TENM2: variants seen among roughly 807,000 people sequenced by gnomAD.
The protein encoded by TENM2 is teneurin-2.
In TENM2, 52 loss-of-function variants were observed where a neutral mutation model predicts 245.2. The observed-to-expected ratio is 0.21, with a 90% CI of 0.17 to 0.27. The LOEUF (loss-of-function observed/expected upper bound fraction) is 0.27. Among genes scored for constraint, TENM2 ranks in the 10% least tolerant of loss-of-function variants. The pLI is 1.00. For synonymous variants in TENM2, 1,363 were observed against 1,438.9 expected (o/e 0.95, Z 1.19); for missense variants, 3,046 against 3,666.8 (o/e 0.83, Z 4.37).
chr5:167,884,963 T>C (rs1383704729), intron 3 of TENM2, among the ~76,000 whole-genome samples: 1 of 152,220 alleles, frequency 6.6e-6, no homozygotes, highest in African/African-American at 2.4e-5. Flanking sequence ...TGGTGTGAAA[T>C]GGTATTTCTT....
Position 168,115,443 on chromosome 5 carries a change from A to T in TENM2, c.1814-2849A>T, listed in dbSNP as rs576974842. Among the ~76,000 whole-genome samples, 58 of 150,580 alleles carry T rather than the reference A, an allele frequency of 3.9e-4. 4 individuals are homozygous for T. In the South Asian group the frequency reaches 0.012, roughly 31 times the overall value. On this transcript the variant is annotated intron_variant, in intron 9 of 28. Coordinates refer to ENST00000518659, the Ensembl canonical transcript of TENM2. ...AGGAAGGAAAGAAAAAAAAAGAAAA[A>T]AATTTTATCTATATTTTTTATTGAT...
the TENM2 span, among the ~76,000 whole-genome samples, chr5:167,265,437 A>C: frequency 6.6e-6 from 1 of 151,844 alleles, no homozygotes. Context: ...TGGTTATGGC[A>C]TCATCAAATA....
intron 12 of TENM2, chr5:168,149,566 C>T (rs918643336): frequency 6.7e-6 from 3 of 446,078 alleles, no homozygotes; most frequent in South Asian, 3.2e-5. Context: ...CAGAGCAGGA[C>T]AAATTTGTGC....
At chr5:167,989,320 C>T (rs2151997072) in intron 4 of TENM2, among the ~76,000 whole-genome samples, 1 of 150,874 alleles carries the variant, frequency 6.6e-6, no homozygotes, top group East Asian at 1.9e-4. Context: ...TTTGTGAGTG[C>T]ACAAAATGAA....
chr5:167,401,506 G>C (rs958105651), intron 2 of TENM2, among the ~76,000 whole-genome samples: 3 of 152,044 alleles, frequency 2.0e-5, no homozygotes, highest in Non-Finnish European at 4.4e-5. Flanking sequence ...ATTTTTAAAA[G>C]GACAAAGTGT....
intron 4 of TENM2, among the ~76,000 whole-genome samples, chr5:167,991,889 T>C: frequency 6.6e-6 from 1 of 152,198 alleles, no homozygotes; most frequent in Middle Eastern, 3.2e-3. Context: ...AGACAGTTGC[T>C]TGGCTTCTCA....
At chr5:167,849,083 T>A (rs1257800701) in intron 2 of TENM2, among the ~76,000 whole-genome samples, 1 of 152,154 alleles carries the variant, frequency 6.6e-6, no homozygotes, top group Non-Finnish European at 1.5e-5. Flanking sequence ...AATCAAGGTG[T>A]CAACATGACA....
At chr5:167,094,496 T>C in the TENM2 span, among the ~76,000 whole-genome samples, 1 of 152,214 alleles carries the variant, frequency 6.6e-6, no homozygotes, top group Non-Finnish European at 1.5e-5. Context: ...TTATATCTTT[T>C]TATTTCTCTT....
intron 2 of TENM2, among the ~76,000 whole-genome samples, chr5:167,428,234 A>G (rs1763997456): frequency 6.6e-6 from 1 of 152,220 alleles, no homozygotes; most frequent in African/African-American, 2.4e-5. Context: ...TTATGGCTAC[A>G]TTGAAATGAT....
At chr5:167,254,814 A>C in the TENM2 span, among the ~76,000 whole-genome samples, 1 of 152,078 alleles carries the variant, frequency 6.6e-6, no homozygotes, top group Non-Finnish European at 1.5e-5. Context: ...GATCAAGGAG[A>C]CATCCATGCA....
At chr5:167,470,864 T>C (rs1766981120) in intron 2 of TENM2, among the ~76,000 whole-genome samples, 3 of 152,082 alleles carry the variant, frequency 2.0e-5, no homozygotes, top group Admixed American at 1.3e-4. Context: ...AGAGACCCAT[T>C]GAAGGAGGTC....
chr5:168,047,585 A>G, intron 6 of TENM2, 36 bp downstream of exon 8: 1 of 1,546,738 alleles, frequency 6.5e-7, no homozygotes, highest in Non-Finnish European at 8.7e-7. Flanking sequence ...TCTTGAGGTC[A>G]CAGGAAAATT....
rs1184634427 is a variant in TENM2 at position 167,399,235 on chromosome 5, A to G, written c.502+23762A>G. Among the ~76,000 whole-genome samples the G allele has an allele frequency of 2.6e-5, 4 of 152,206 alleles. No individual in the cohort carries two copies. The East Asian group carries it at 7.7e-4, about 29-fold the overall frequency. On this transcript the variant is annotated intron_variant, in intron 2 of 28. Coordinates refer to ENST00000518659, the Ensembl canonical transcript of TENM2. Reference sequence around the variant, plus strand: ...GAAGTCTAATCCAGTAAATATAGAGATGCAACCATCCCAGACTCACAGAGT... The same window carrying G: ...GAAGTCTAATCCAGTAAATATAGAGGTGCAACCATCCCAGACTCACAGAGT...
At chr5:167,539,057 A>G (rs138829408) in intron 2 of TENM2, among the ~76,000 whole-genome samples, 4 of 152,286 alleles carry the variant, frequency 2.6e-5, no homozygotes, top group Non-Finnish European at 5.9e-5. Context: ...CTTAGCTATC[A>G]TTTCAAATTA....
the TENM2 span, among the ~76,000 whole-genome samples, chr5:167,187,742 A>T: frequency 6.6e-6 from 1 of 151,978 alleles, no homozygotes; most frequent in Non-Finnish European, 1.5e-5. Context: ...GCAGCAGTGG[A>T]TTTCTCATTC....
exon 24 of TENM2, chr5:168,226,182 A>G: frequency 6.2e-7 from 1 of 1,613,732 alleles, no homozygotes; most frequent in Non-Finnish European, 8.5e-7. Context: ...TACCATTGAC[A>G]TTGAGAACTC....
the TENM2 span, among the ~76,000 whole-genome samples, chr5:167,184,970 C>T: frequency 3.3e-5 from 5 of 152,142 alleles, no homozygotes; most frequent in Non-Finnish European, 1.5e-5. Context: ...CAATGGGATT[C>T]GCGCTCCTCT....
At chr5:168,256,694 G>A (rs953424137) in intron 27 of TENM2, among the ~76,000 whole-genome samples, 1 of 152,136 alleles carries the variant, frequency 6.6e-6, no homozygotes, top group African/African-American at 2.4e-5. Flanking sequence ...CAAAATGCTG[G>A]GATTGCAGGC....
rs529851444 is a variant in TENM2 at position 167,473,240 on chromosome 5, G to A, written c.502+97767G>A. Reference sequence around the variant, plus strand: ...TTTTACATGTTATCTAGATCTGAATGTCATGCCATCCAAATTATTTGACAA... The same window carrying A: ...TTTTACATGTTATCTAGATCTGAATATCATGCCATCCAAATTATTTGACAA... On this transcript the variant is annotated intron_variant, in intron 2 of 28. Coordinates refer to ENST00000518659, the Ensembl canonical transcript of TENM2. Among the ~76,000 whole-genome samples, 14 of 152,244 alleles carry A rather than the reference G, an allele frequency of 9.2e-5. No homozygotes were observed. In the South Asian group the frequency reaches 2.9e-3, roughly 32 times the overall value.
Sources: gnomAD v4.1 joint callset for allele counts (sites outside exome capture counted in the v4.1 genomes callset) on GRCh38, gnomAD v4.1.1 for gene constraint, MANE v1.5 for transcripts, NCBI Gene and HGNC (gene_info 2026-07-23, HGNC 2026-07-21) for gene names.